The following CDKL2 variants were observed in gnomAD, a reference collection of about 807,000 sequenced individuals.
The protein encoded by CDKL2 is cyclin dependent kinase like 2.
Under a neutral mutation model 63.9 loss-of-function variants are expected in CDKL2, and 64 were observed. The observed-to-expected ratio is 1.00, with a 90% CI of 0.82 to 1.23. The LOEUF is 1.23. Among genes scored for constraint, CDKL2 ranks in the 50% most tolerant of loss-of-function variants. The probability of loss-of-function intolerance (pLI) is 0.00; values close to 1 mark genes in which losing one functional copy is unlikely to be tolerated. For missense variants in CDKL2, 656 were observed against 668.0 expected, an observed-to-expected ratio of 0.98 and a Z score of 0.20; for synonymous variants, 211 against 229.2, an observed-to-expected ratio of 0.92 and a Z score of 0.72.
At chr4:75,600,173 C>T (rs1021345612) in intron 7 of CDKL2, 108 bp downstream of exon 7, 1 of 678,822 alleles carries the variant, frequency 1.5e-6, no homozygotes, top group Non-Finnish European at 2.6e-6. Flanking sequence ...TATCTGAGAT[C>T]CTGCAAAGTA....
At chr4:75,614,497 G>A in intron 2 of CDKL2, 48 bp from the exon 3 acceptor site, 1 of 1,186,312 alleles carries the variant, frequency 8.4e-7, no homozygotes, top group Non-Finnish European at 1.2e-6. Context: ...ATGCAAAATA[G>A]TTTATATAAA....
In CDKL2 at chr4:75,603,975, C is replaced by T. The variant is rs756647407; in HGVS notation, c.656-19G>A. The stretch of plus-strand genomic sequence containing the variant: ...AGATTACCTGGAAGTGAAAACAGCA[C>T]ATATCTCTGTTATTATACAACATGA... On this transcript the variant is annotated intron_variant, in intron 5 of 13. Transcript: ENST00000307465. The T allele has an allele frequency of 5.6e-6, 9 of 1,595,540 alleles. No individual in the cohort carries two copies. Among genetic ancestry groups the T allele is most frequent in the Non-Finnish European group, 7.7e-6 (9 of 1,172,742 alleles).
intron 1 of CDKL2, among the ~76,000 whole-genome samples, chr4:75,626,557 C>T (rs1457796435): frequency 6.6e-6 from 1 of 151,950 alleles, no homozygotes; most frequent in Non-Finnish European, 1.5e-5. Flanking sequence ...GTCCCAGCTA[C>T]TCGGGAGGCT....
rs774689477 is a variant in CDKL2 at position 75,598,069 on chromosome 4, A to C, written c.1020+8T>G. The C allele has an allele frequency of 6.8e-7, 1 of 1,468,052 alleles. No homozygotes were observed. Among genetic ancestry groups the C allele is most frequent in the African/African-American group, 1.4e-5 (1 of 69,356 alleles). The allele number at this position is 1,468,052 out of a possible 1,614,324, so 90.9% of individuals were successfully genotyped here. A position where few individuals can be genotyped will look rare whatever the true frequency, so the allele number is the denominator to read the frequency against. On this transcript the variant is annotated splice_region_variant and intron_variant, in intron 8 of 13. Coordinates refer to ENST00000307465, the MANE Select transcript of CDKL2 (RefSeq NM_001330724.2). ...ATTAAATCTAAAATGTGAAACATGA[A>C]CATTTACCTGTACCACAAGTGTTTT...
intron 12 of CDKL2, among the ~76,000 whole-genome samples, chr4:75,582,711 C>G (rs1400568408): frequency 1.3e-5 from 2 of 151,900 alleles, no homozygotes; most frequent in Non-Finnish European, 2.9e-5. Context: ...ACAGGACAGA[C>G]TCAAAGAAAA....
intron 2 of CDKL2, among the ~76,000 whole-genome samples, chr4:75,624,682 C>T (rs1730318390): frequency 6.7e-6 from 1 of 148,174 alleles, no homozygotes; most frequent in African/African-American, 2.5e-5. Context: ...AACTCCGTCT[C>T]TACTAAAATA....
intron 8 of CDKL2, 27 bp from the exon 9 acceptor site, chr4:75,597,263 G>A: frequency 1.4e-6 from 2 of 1,411,484 alleles, no homozygotes; most frequent in Non-Finnish European, 2.0e-6. Flanking sequence ...ATATTAATAA[G>A]GTTAATGATC....
At chr4:75,592,299 G>T (rs1560575769) in intron 10 of CDKL2, 30 bp from the exon 11 acceptor site, 14 of 1,495,744 alleles carry the variant, frequency 9.4e-6, no homozygotes, top group Non-Finnish European at 1.1e-5. Context: ...CAACAAAAAA[G>T]AATTAGTTTC....
chr4:75,598,080 TACC>T lies in CDKL2; in HGVS notation c.1014_1016del (p.Val339del). On this transcript the variant is annotated inframe_deletion, in exon 8 of 14. Coordinates refer to ENST00000307465, the MANE Select transcript of CDKL2 (RefSeq NM_001330724.2). ...AATGTGAAACATGAACATTTACCTG[TACC>T]ACAAGTGTTTTTCTTTCTTCAACTA... The T allele has an allele frequency of 2.0e-6, 3 of 1,507,290 alleles. No homozygotes were observed. The highest frequency in any genetic ancestry group is 2.7e-6 in the Non-Finnish European group (3 of 1,112,446). The allele number at this position is 1,507,290 out of a possible 1,614,324, so 93.4% of individuals were successfully genotyped here.
intron 10 of CDKL2, among the ~76,000 whole-genome samples, chr4:75,594,212 C>T (rs893978234): frequency 2.0e-5 from 3 of 152,086 alleles, no homozygotes; most frequent in Non-Finnish European, 4.4e-5. Flanking sequence ...TTTTGGGAGG[C>T]CAAGGTGGGC....
rs1215308668 is a variant in CDKL2 at position 75,578,360 on chromosome 4, G to A, written c.*842C>T. Reference sequence around the variant, plus strand: ...GTAGTTCAATAGCAATTGGTCCACAGAAGAGTAATCAGTCCTGATCAATTC... The same window carrying A: ...GTAGTTCAATAGCAATTGGTCCACAAAAGAGTAATCAGTCCTGATCAATTC... On this transcript the variant is annotated 3_prime_UTR_variant, in exon 14 of 14. Coordinates refer to ENST00000307465, the MANE Select transcript of CDKL2 (RefSeq NM_001330724.2). 2 of 152,308 alleles carry A rather than the reference G, an allele frequency of 1.3e-5. No homozygotes were observed. The highest frequency in any genetic ancestry group is 6.5e-5 in the Admixed American group (1 of 15,288). 9.4% of individuals were successfully genotyped at this position (152,308 alleles called of 1,614,324 possible).
chr4:75,597,120 A>T lies in CDKL2; in HGVS notation c.1137T>A (p.His379Gln), dbSNP rs1372467452. 1 of 1,614,140 alleles carries T rather than the reference A, an allele frequency of 6.2e-7. No individual in the cohort carries two copies. Among genetic ancestry groups the T allele is most frequent in the African/African-American group, 1.3e-5 (1 of 75,038 alleles). The change falls in exon 9 of 14, where the codon CAT (histidine) becomes CAA (glutamine). Residue 379 changes from histidine to glutamine, a missense_variant. Transcript: ENST00000307465. ...GNRASNASCLHDSRTSHNKIV... is the reference protein window; with the variant it reads ...GNRASNASCLQDSRTSHNKIV... Reference sequence around the variant, plus strand: ...TTTTGTTGTGGCTTGTCCTACTGTCATGGAGACAGCTGGCATTTGAAGCTC... The same window carrying T: ...TTTTGTTGTGGCTTGTCCTACTGTCTTGGAGACAGCTGGCATTTGAAGCTC...
chr4:75,590,972 T>C (rs1380985190), intron 12 of CDKL2, among the ~76,000 whole-genome samples: 2 of 152,152 alleles, frequency 1.3e-5, no homozygotes, highest in Admixed American at 6.6e-5. Flanking sequence ...GTTTTTTCAG[T>C]GTAAAAATGA....
At chr4:75,615,852 G>A (rs1729904258) in intron 2 of CDKL2, among the ~76,000 whole-genome samples, 1 of 151,938 alleles carries the variant, frequency 6.6e-6, no homozygotes, top group Admixed American at 6.6e-5. Flanking sequence ...TTAGCCTGGT[G>A]TGGTTGGGCA....
Position 75,596,934 on chromosome 4 carries a change from C to G in CDKL2, c.1322+1G>C. 6.2e-7 allele frequency: 1 copy of G among 1,605,444 alleles called. No homozygotes were observed. The highest frequency in any genetic ancestry group is 8.5e-7 in the Non-Finnish European group (1 of 1,173,498). On this transcript the variant is annotated splice_donor_variant, in intron 9 of 13. Coordinates refer to ENST00000307465, the MANE Select transcript of CDKL2 (RefSeq NM_001330724.2). LOFTEE classifies it high-confidence loss of function. Reference sequence around the variant, plus strand: ...TTTGATCTTATTTTACTAATTCATACCTGTAACCCTGAATTGGTATAGTCT... The same window carrying G: ...TTTGATCTTATTTTACTAATTCATAGCTGTAACCCTGAATTGGTATAGTCT...
intron 1 of CDKL2, among the ~76,000 whole-genome samples, chr4:75,626,744 A>T (rs563458031): frequency 6.6e-6 from 1 of 151,974 alleles, no homozygotes; most frequent in African/African-American, 2.4e-5. Context: ...TTTTTAAATT[A>T]GCTGGGTGTG....
intron 1 of CDKL2, among the ~76,000 whole-genome samples, chr4:75,628,641 A>G (rs1173630174): frequency 1.3e-5 from 2 of 152,226 alleles, no homozygotes; most frequent in Non-Finnish European, 2.9e-5. Flanking sequence ...AGATTTTAAC[A>G]AGAAATAATT....
chr4:75,590,133 C>T (rs1728653290), intron 12 of CDKL2, among the ~76,000 whole-genome samples: 2 of 152,148 alleles, frequency 1.3e-5, no homozygotes. Context: ...TGCCACTGCA[C>T]TCCAGCCTGG....
intron 2 of CDKL2, among the ~76,000 whole-genome samples, chr4:75,623,421 G>A (rs905021780): frequency 6.6e-6 from 1 of 152,330 alleles, no homozygotes; most frequent in East Asian, 1.9e-4. Flanking sequence ...TGGGGAAAAA[G>A]ATGGTATTTT....
Sources: allele counts gnomAD v4.1 joint callset (sites outside exome capture counted in the v4.1 genomes callset), GRCh38; gene constraint gnomAD v4.1.1; transcripts MANE v1.5; gene names NCBI Gene and HGNC (gene_info 2026-07-23, HGNC 2026-07-21).